CLASP2: variants seen among roughly 807,000 people sequenced by gnomAD.
The protein encoded by CLASP2 is cytoplasmic linker associated protein 2.
In CLASP2, 47 loss-of-function variants were observed where a neutral mutation model predicts 194.4. The observed-to-expected ratio is 0.24, with a 90% CI of 0.19 to 0.31. The LOEUF is 0.31. Ranked by LOEUF, CLASP2 falls within the 10% of genes least tolerant of loss-of-function variation. CLASP2 has a pLI of 1.00. For missense variants in CLASP2, 1,445 were observed against 1,823.6 expected (o/e 0.79, Z 3.78); for synonymous variants, 619 against 633.5 (o/e 0.98, Z 0.34).
At chr3:33,578,708 C>A (rs2065406629) in intron 23 of CLASP2, among the ~76,000 whole-genome samples, 1 of 152,044 alleles carries the variant, frequency 6.6e-6, no homozygotes, top group Non-Finnish European at 1.5e-5. Flanking sequence ...AGGAGTTGAA[C>A]AAATTTAAAA....
intron 1 of CLASP2, among the ~76,000 whole-genome samples, chr3:33,712,360 T>C (rs928154959): frequency 1.2e-4 from 18 of 151,954 alleles, no homozygotes; most frequent in Non-Finnish European, 1.6e-4. Flanking sequence ...AAGGGGAAGG[T>C]TGGGAGAGGG....
chr3:33,707,630 AG>A (rs1184831279), intron 1 of CLASP2, among the ~76,000 whole-genome samples: 1 of 152,220 alleles, frequency 6.6e-6, no homozygotes, highest in Non-Finnish European at 1.5e-5. Flanking sequence ...ATGTGTCTCC[AG>A]GAAGGAGATG....
At chr3:33,655,748 T>C (rs183675012) in intron 7 of CLASP2, among the ~76,000 whole-genome samples, 2 of 152,280 alleles carry the variant, frequency 1.3e-5, no homozygotes, top group East Asian at 1.9e-4. Context: ...GTTTTATATA[T>C]ATATACACAC....
chr3:33,703,408 A>G (rs535022504), intron 1 of CLASP2, among the ~76,000 whole-genome samples: 1 of 152,354 alleles, frequency 6.6e-6, no homozygotes, highest in Non-Finnish European at 1.5e-5. Flanking sequence ...TGATAGCACT[A>G]CACACCTATT....
chr3:33,551,439 T>C, intron 29 of CLASP2, 44 bp from the exon 30 acceptor site: 1 of 1,579,094 alleles, frequency 6.3e-7, no homozygotes, highest in Non-Finnish European at 8.6e-7. Flanking sequence ...AGATGGTTAT[T>C]GTGAGACACT....
chr3:33,717,861 G>T lies in CLASP2; in HGVS notation c.142C>A (p.Leu48Ile). The change falls in exon 1 of 39, where the codon CTA becomes ATA. Residue 48 changes from leucine (L) to isoleucine (I), a missense_variant. Physicochemically the swap from Leu to Ile is conservative, Grantham distance 5. Transcript: ENST00000682230. ...ISDLEEDLGR[L>I]GKTVDALTGW... Reference sequence around the variant, plus strand: ...GTGAGCGCGTCGACTGTCTTGCCTAGGCGGCCCAGGTCCTCCTCCAGGTCC... The same window carrying T: ...GTGAGCGCGTCGACTGTCTTGCCTATGCGGCCCAGGTCCTCCTCCAGGTCC... 6.4e-7 allele frequency: 1 copy of T among 1,565,032 alleles called. No individual in the cohort carries two copies. Among genetic ancestry groups the T allele is most frequent in the Non-Finnish European group, 8.7e-7 (1 of 1,155,492 alleles).
chr3:33,704,779 T>C (rs1024817919), intron 1 of CLASP2, among the ~76,000 whole-genome samples: 10 of 151,930 alleles, frequency 6.6e-5, no homozygotes, highest in African/African-American at 2.4e-4. Context: ...TATATATATA[T>C]ATGAATGGCT....
chr3:33,563,382 T>A (rs1304514914), intron 27 of CLASP2, among the ~76,000 whole-genome samples: 1 of 152,192 alleles, frequency 6.6e-6, no homozygotes, highest in Non-Finnish European at 1.5e-5. Flanking sequence ...GTCTCTCTGA[T>A]CTATCCCATG....
chr3:33,608,318 A>G (rs1345441273), intron 14 of CLASP2, among the ~76,000 whole-genome samples: 1 of 152,194 alleles, frequency 6.6e-6, no homozygotes, highest in Non-Finnish European at 1.5e-5. Context: ...GCCCAACTCA[A>G]CTTGGAGTAT....
At chr3:33,534,180 T>G (rs149187839) in intron 34 of CLASP2, among the ~76,000 whole-genome samples, 1 of 152,222 alleles carries the variant, frequency 6.6e-6, no homozygotes, top group Non-Finnish European at 1.5e-5. Context: ...TTTATCTGTG[T>G]ATAGTTATAT....
chr3:33,616,649 T>TA (rs112771547), intron 12 of CLASP2, among the ~76,000 whole-genome samples: 9,848 of 151,100 alleles, frequency 0.065, 627 homozygotes, highest in African/African-American at 0.17. Flanking sequence ...AGAAACACAT[T>TA]AAAAATCATA....
intron 22 of CLASP2, 23 bp downstream of exon 22, chr3:33,584,727 T>TAAAA: frequency 8.8e-6 from 11 of 1,255,306 alleles, no homozygotes; most frequent in African/African-American, 1.7e-5. Context: ...ATGTCTCACA[T>TAAAA]AAAAAAAAAA....
rs1371653276 is a variant in CLASP2 at position 33,718,102 on chromosome 3, C to T, written c.-100G>A. The T allele has an allele frequency of 5.6e-6, 7 of 1,241,548 alleles. No homozygotes were observed. The highest frequency in any genetic ancestry group is 1.6e-5 in the African/African-American group (1 of 62,568). 76.9% of individuals were successfully genotyped at this position (1,241,548 alleles called of 1,614,324 possible). Reference sequence around the variant, plus strand: ...GGTCCCCGCGGGAGCGGGCGGGACTCACTTAGCCCGCCAGGGGCGCGGCTT... The same window carrying T: ...GGTCCCCGCGGGAGCGGGCGGGACTTACTTAGCCCGCCAGGGGCGCGGCTT... On this transcript the variant is annotated 5_prime_UTR_variant, in exon 1 of 39. Transcript: ENST00000682230.
chr3:33,640,801 A>C (rs1169576120), intron 8 of CLASP2, among the ~76,000 whole-genome samples: 1 of 152,108 alleles, frequency 6.6e-6, no homozygotes, highest in African/African-American at 2.4e-5. Context: ...CAACAAGAAA[A>C]TACTGAAAAG....
At chr3:33,638,768 C>A (rs987144068) in intron 8 of CLASP2, among the ~76,000 whole-genome samples, 3 of 152,194 alleles carry the variant, frequency 2.0e-5, no homozygotes, top group African/African-American at 7.2e-5. Context: ...GCCAAGCATG[C>A]AGTTATTGTA....
intron 6 of CLASP2, among the ~76,000 whole-genome samples, chr3:33,671,517 A>T (rs114364855): frequency 2.6e-5 from 4 of 152,290 alleles, no homozygotes; most frequent in African/African-American, 9.6e-5. Context: ...TGAGAGACCC[A>T]GAAGACAGGT....
chr3:33,540,774 CT>C (rs34362342), intron 32 of CLASP2, among the ~76,000 whole-genome samples: 184 of 138,526 alleles, frequency 1.3e-3, no homozygotes, highest in Middle Eastern at 3.8e-3. Flanking sequence ...AATACCAACT[CT>C]TTTTTTTTTT....
At chr3:33,677,891 G>A (rs1575522720) in intron 6 of CLASP2, among the ~76,000 whole-genome samples, 1 of 118,772 alleles carries the variant, frequency 8.4e-6, no homozygotes, top group African/African-American at 3.2e-5. Context: ...AAAAAAAGTA[G>A]ATAGGTAAGA....
chr3:33,581,698 C>A, intron 23 of CLASP2, 123 bp downstream of exon 23: 1 of 628,286 alleles, frequency 1.6e-6, no homozygotes, highest in Non-Finnish European at 2.8e-6. Flanking sequence ...CTCAAAATGA[C>A]AGAAAAGGGG....
Sources: gnomAD v4.1 joint callset for allele counts (sites outside exome capture counted in the v4.1 genomes callset) on GRCh38, gnomAD v4.1.1 for gene constraint, MANE v1.5 for transcripts, NCBI Gene and HGNC (gene_info 2026-07-23, HGNC 2026-07-21) for gene names.